The following GRID2 variants were observed in gnomAD, a reference collection of about 807,000 sequenced individuals.
The protein encoded by GRID2 is glutamate receptor ionotropic, delta-2.
Under a neutral mutation model 114.8 loss-of-function variants are expected in GRID2, and 33 were observed. The observed-to-expected ratio is 0.29, with a 90% CI of 0.22 to 0.38. The LOEUF (loss-of-function observed/expected upper bound fraction) is 0.38, where lower values mean the gene tolerates loss of function less well. Among genes scored for constraint, GRID2 ranks in the 10% least tolerant of loss-of-function variants. The probability of loss-of-function intolerance (pLI) is 1.00; values close to 1 mark genes in which losing one functional copy is unlikely to be tolerated. For missense variants in GRID2, 1,184 were observed against 1,257.7 expected, an observed-to-expected ratio of 0.94 and a Z score of 0.89; for synonymous variants, 505 against 449.9, an observed-to-expected ratio of 1.12 and a Z score of -1.55.
intron 1 of GRID2, among the ~76,000 whole-genome samples, chr4:92,542,419 A>G (rs1446234834): frequency 6.6e-6 from 1 of 152,222 alleles, no homozygotes; most frequent in African/African-American, 2.4e-5. Context: ...TTAAGGATAC[A>G]GTGAAAATGT....
At chr4:92,638,630 T>C (rs974724390) in intron 2 of GRID2, among the ~76,000 whole-genome samples, 1 of 149,924 alleles carries the variant, frequency 6.7e-6, no homozygotes, top group Admixed American at 6.7e-5. Context: ...TGCTTATAAA[T>C]AGGGAAATAA....
chr4:93,412,139 G>A (rs1767227182), intron 9 of GRID2, among the ~76,000 whole-genome samples: 1 of 151,878 alleles, frequency 6.6e-6, no homozygotes, highest in Non-Finnish European at 1.5e-5. Flanking sequence ...CCCCAGGCTG[G>A]GTTCTGTGGC....
At chr4:92,707,578 C>T (rs1260081145) in intron 2 of GRID2, among the ~76,000 whole-genome samples, 4 of 151,970 alleles carry the variant, frequency 2.6e-5, no homozygotes, top group Non-Finnish European at 4.4e-5. Context: ...GCAATGTTAA[C>T]GTGGAAAGAT....
intron 1 of GRID2, among the ~76,000 whole-genome samples, chr4:92,308,760 A>G (rs1317481972): frequency 6.6e-6 from 1 of 151,836 alleles, no homozygotes; most frequent in African/African-American, 2.4e-5. Flanking sequence ...TCAGTTGACT[A>G]CATGATTTGC....
rs561827818 is a variant in GRID2, at chr4:92,739,659, C to T, written c.244+149373C>T. On this transcript the variant is annotated intron_variant, in intron 2 of 15. Transcript: ENST00000282020. ...TTCAGTTTACCATGATTTCCTTTTA[C>T]CCCACTCTAGGTCAGGAAAAGGAAG... Among the ~76,000 whole-genome samples, 368 of 152,030 alleles carry T rather than the reference C, an allele frequency of 2.4e-3. 2 individuals are homozygous for T. Among genetic ancestry groups the T allele is most frequent in the African/African-American group, 8.3e-3 (346 of 41,450 alleles).
At chr4:92,402,471 T>C (rs1730832053) in intron 1 of GRID2, among the ~76,000 whole-genome samples, 1 of 152,348 alleles carries the variant, frequency 6.6e-6, no homozygotes, top group South Asian at 2.1e-4. Flanking sequence ...ATTTGATTCA[T>C]GGGCTGAAGT....
At chr4:93,242,038 G>A (rs1266303588) in intron 8 of GRID2, among the ~76,000 whole-genome samples, 1 of 151,742 alleles carries the variant, frequency 6.6e-6, no homozygotes, top group African/African-American at 2.4e-5. Context: ...CATAGGCACC[G>A]GGGAACATCA....
At chr4:92,670,915 A>C (rs1733029742) in intron 2 of GRID2, among the ~76,000 whole-genome samples, 1 of 152,140 alleles carries the variant, frequency 6.6e-6, no homozygotes, top group African/African-American at 2.4e-5. Flanking sequence ...CTCTGCCAGC[A>C]GTATTGAACA....
chr4:93,613,733 C>T (rs1406208097), intron 13 of GRID2, among the ~76,000 whole-genome samples: 14,107 of 147,032 alleles, frequency 0.096, 1,250 homozygotes, highest in African/African-American at 0.24. Flanking sequence ...GACAGGGACA[C>T]TTAAGTCTGC....
chr4:92,878,814 C>T (rs1745803932), intron 2 of GRID2, among the ~76,000 whole-genome samples: 1 of 152,006 alleles, frequency 6.6e-6, no homozygotes, highest in South Asian at 2.1e-4. Context: ...AGAAGATAGC[C>T]TTTATTGAAT....
intron 8 of GRID2, among the ~76,000 whole-genome samples, chr4:93,317,151 G>A (rs1756745200): frequency 1.3e-5 from 2 of 152,088 alleles, no homozygotes; most frequent in Admixed American, 6.6e-5. Context: ...TTAAATCAAT[G>A]TGTCCATTAA....
intron 2 of GRID2, chr4:92,885,051 C>T: frequency 3.4e-6 from 1 of 297,138 alleles, no homozygotes. Context: ...ATTCTTCTTT[C>T]CTCTTAAACA....
chr4:93,283,313 A>G (rs748862278), intron 8 of GRID2, among the ~76,000 whole-genome samples: 13 of 152,040 alleles, frequency 8.6e-5, no homozygotes, highest in African/African-American at 1.2e-4. Context: ...TTTTGATCAA[A>G]GTTGCTTTTA....
chr4:93,580,512 G>C (rs1736868522), intron 13 of GRID2, among the ~76,000 whole-genome samples: 1 of 152,152 alleles, frequency 6.6e-6, no homozygotes, highest in Non-Finnish European at 1.5e-5. Flanking sequence ...TTACAAGATA[G>C]CTATGAAAGT....
At chr4:93,421,611 C>G (rs1021185676) in intron 9 of GRID2, among the ~76,000 whole-genome samples, 4 of 152,082 alleles carry the variant, frequency 2.6e-5, no homozygotes, top group African/African-American at 9.7e-5. Flanking sequence ...TAATTGGTTA[C>G]ATTGTTTTTT....
chr4:92,751,336 C>T (rs543994382), intron 2 of GRID2, among the ~76,000 whole-genome samples: 2 of 151,964 alleles, frequency 1.3e-5, no homozygotes, highest in East Asian at 1.9e-4. Context: ...TAAAAAATAG[C>T]CATCTTTCAA....
chr4:92,368,419 T>TG (rs1728972049), intron 1 of GRID2, among the ~76,000 whole-genome samples: 1 of 152,110 alleles, frequency 6.6e-6, no homozygotes, highest in Non-Finnish European at 1.5e-5. Context: ...GGAGACTCCT[T>TG]GCGCTGTCTC....
chr4:92,831,327 C>G (rs1742085348), intron 2 of GRID2, among the ~76,000 whole-genome samples: 1 of 152,106 alleles, frequency 6.6e-6, no homozygotes, highest in African/African-American at 2.4e-5. Context: ...AGCTGCTCCC[C>G]TAATTACAAA....
chr4:92,465,361 A>T (rs1721696601), intron 1 of GRID2, among the ~76,000 whole-genome samples: 1 of 152,112 alleles, frequency 6.6e-6, no homozygotes, highest in Non-Finnish European at 1.5e-5. Context: ...AATTCATTAG[A>T]CACTATTTGG....
Sources: allele counts gnomAD v4.1 joint callset (sites outside exome capture counted in the v4.1 genomes callset), GRCh38; gene constraint gnomAD v4.1.1; transcripts MANE v1.5; gene names NCBI Gene and HGNC (gene_info 2026-07-23, HGNC 2026-07-21).